Variants in ADAMTSL1 observed in about 807,000 individuals in gnomAD.
ADAMTSL1 encodes the protein ADAMTS like 1, also known as ADAMTS-like protein 1.
ADAMTSL1 carries 126 observed loss-of-function variants against 201.8 expected under a neutral mutation model. The ratio of observed to expected loss-of-function variants is 0.62; its 90% CI spans 0.54 to 0.72. ADAMTSL1 has a LOEUF of 0.72. ADAMTSL1 is among the 30% of genes least tolerant of loss of function. The pLI is 0.00. For synonymous variants in ADAMTSL1, 1,121 were observed against 903.4 expected, an observed-to-expected ratio of 1.24 and a Z score of -4.32; for missense variants, 2,679 against 2,277.8, an observed-to-expected ratio of 1.18 and a Z score of -3.59.
chr9:18,028,087 G>A (rs1299533872), intron 1 of ADAMTSL1, among the ~76,000 whole-genome samples: 2 of 151,964 alleles, frequency 1.3e-5, no homozygotes, highest in Non-Finnish European at 2.9e-5. Flanking sequence ...TTTACTTTGA[G>A]CCTATGGGTG....
intron 1 of ADAMTSL1, among the ~76,000 whole-genome samples, chr9:18,099,349 ATATATAT>A (rs1435984736): frequency 9.9e-4 from 49 of 49,294 alleles, no homozygotes; most frequent in African/African-American, 3.1e-3. Context: ...ATATATATAT[ATATATAT>A]TTTTTTTTTT....
intron 2 of ADAMTSL1, among the ~76,000 whole-genome samples, chr9:18,357,163 A>T (rs928577240): frequency 3.9e-5 from 6 of 152,128 alleles, no homozygotes; most frequent in Non-Finnish European, 7.4e-5. Flanking sequence ...TTTTTAATAG[A>T]AAGGACTCTA....
intron 1 of ADAMTSL1, among the ~76,000 whole-genome samples, chr9:17,989,330 G>T (rs2131493671): frequency 6.6e-6 from 1 of 151,386 alleles, no homozygotes; most frequent in Admixed American, 6.6e-5. Context: ...TAATATTTTC[G>T]GTGAGCTTTC....
At chr9:18,268,501 G>A (rs1832227320) in intron 2 of ADAMTSL1, among the ~76,000 whole-genome samples, 1 of 152,110 alleles carries the variant, frequency 6.6e-6, no homozygotes, top group Non-Finnish European at 1.5e-5. Context: ...AAGGAGCAGG[G>A]GACATTGAAA....
chr9:18,648,912 T>C (rs552773866), intron 7 of ADAMTSL1, among the ~76,000 whole-genome samples: 21 of 152,308 alleles, frequency 1.4e-4, no homozygotes, highest in African/African-American at 4.8e-4. Flanking sequence ...TTCTCTGTAT[T>C]TCCTGAATCT....
At chr9:17,915,912 C>T (rs1409298326) in intron 1 of ADAMTSL1, among the ~76,000 whole-genome samples, 1 of 152,050 alleles carries the variant, frequency 6.6e-6, no homozygotes. Flanking sequence ...TTGGAGAATT[C>T]TACATTCTGG....
At chr9:18,618,538 A>AAC (rs201539530) in intron 4 of ADAMTSL1, among the ~76,000 whole-genome samples, 6 of 151,686 alleles carry the variant, frequency 4.0e-5, no homozygotes, top group Non-Finnish European at 8.8e-5. Flanking sequence ...GAAAAAAAAA[A>AAC]CAAAATAATA....
intron 1 of ADAMTSL1, among the ~76,000 whole-genome samples, chr9:18,025,111 T>G (rs1820638431): frequency 6.6e-6 from 1 of 151,956 alleles, no homozygotes; most frequent in South Asian, 2.1e-4. Flanking sequence ...TTTAATTGGG[T>G]TTTTTTGCTT....
chr9:18,588,402 C>T (rs1440023401), intron 4 of ADAMTSL1, among the ~76,000 whole-genome samples: 2 of 152,008 alleles, frequency 1.3e-5, no homozygotes, highest in Non-Finnish European at 2.9e-5. Flanking sequence ...TCTTTTCTCC[C>T]GTTCTGTAAG....
chr9:18,453,319 C>T (rs995077685), intron 2 of ADAMTSL1, among the ~76,000 whole-genome samples: 1 of 152,094 alleles, frequency 6.6e-6, no homozygotes, highest in African/African-American at 2.4e-5. Flanking sequence ...ACCATTCTGC[C>T]TTCCTAGAGC....
At chr9:18,340,817 T>C (rs1470947091) in intron 2 of ADAMTSL1, among the ~76,000 whole-genome samples, 1 of 152,174 alleles carries the variant, frequency 6.6e-6, no homozygotes, top group Non-Finnish European at 1.5e-5. Flanking sequence ...TCCCCAGCCA[T>C]GTGAAACTGT....
At chr9:18,543,241 T>C (rs900116288) in intron 3 of ADAMTSL1, among the ~76,000 whole-genome samples, 1 of 152,208 alleles carries the variant, frequency 6.6e-6, no homozygotes, top group African/African-American at 2.4e-5. Context: ...GGTTTGTGTG[T>C]TTCTCCTTTT....
intron 2 of ADAMTSL1, among the ~76,000 whole-genome samples, chr9:18,299,186 G>A (rs574563427): frequency 7.0e-4 from 106 of 152,126 alleles, no homozygotes; most frequent in African/African-American, 2.5e-3. Flanking sequence ...AGCTCATACA[G>A]CTAATAAGTG....
rs553398669 is a variant in ADAMTSL1, at chr9:18,445,236, T to C, written c.208-59593T>C. ...TTTTGCCACCGCTAAAAGTACAGCC[T>C]TTGATTTGAGAGCTAAACAATCTGT... On this transcript the variant is annotated intron_variant, in intron 2 of 29. Coordinates refer to the ADAMTSL1 transcript ENST00000680146. 3.9e-5 allele frequency among the ~76,000 whole-genome samples: 6 copies of C among 152,292 alleles called. No homozygotes were observed. In the South Asian group the frequency reaches 1.0e-3, roughly 26 times the overall value.
chr9:17,989,631 T>C (rs1819069169), intron 1 of ADAMTSL1, among the ~76,000 whole-genome samples: 1 of 152,032 alleles, frequency 6.6e-6, no homozygotes, highest in African/African-American at 2.4e-5. Context: ...CTACCACTAT[T>C]AATTGAGAAT....
intron 1 of ADAMTSL1, among the ~76,000 whole-genome samples, chr9:18,057,285 G>A (rs1036908203): frequency 1.3e-5 from 2 of 152,142 alleles, no homozygotes; most frequent in African/African-American, 4.8e-5. Flanking sequence ...CTTTCATAAT[G>A]AAAAATCCTC....
At chr9:18,903,686 C>G (rs1184584720) in intron 26 of ADAMTSL1, among the ~76,000 whole-genome samples, 1 of 148,416 alleles carries the variant, frequency 6.7e-6, no homozygotes, top group Non-Finnish European at 1.5e-5. Flanking sequence ...CTTTGCTTCT[C>G]TACAGTTGTC....
chr9:18,306,550 A>T (rs1287593494), intron 2 of ADAMTSL1, among the ~76,000 whole-genome samples: 2 of 152,186 alleles, frequency 1.3e-5, no homozygotes, highest in African/African-American at 4.8e-5. Context: ...AAGAATACAC[A>T]AGTATCAATA....
At chr9:18,425,574 G>A (rs1014028403) in intron 2 of ADAMTSL1, among the ~76,000 whole-genome samples, 1 of 152,084 alleles carries the variant, frequency 6.6e-6, no homozygotes, top group African/African-American at 2.4e-5. Flanking sequence ...AATTCTCCAG[G>A]CACAGCAGCT....
Sources: gnomAD v4.1 joint callset for allele counts (sites outside exome capture counted in the v4.1 genomes callset) on GRCh38, gnomAD v4.1.1 for gene constraint, MANE v1.5 for transcripts, NCBI Gene and HGNC (gene_info 2026-07-23, HGNC 2026-07-21) for gene names.